Variants in TPD52 observed in about 807,000 individuals in gnomAD.
TPD52 encodes tumor protein D52.
Under a neutral mutation model 31.3 loss-of-function variants are expected in TPD52, and 17 were observed. The observed-to-expected ratio is 0.54, with a 90% CI of 0.37 to 0.82. The LOEUF (loss-of-function observed/expected upper bound fraction) is 0.82. TPD52 is among the 40% of genes least tolerant of loss of function. The pLI, the probability that TPD52 is intolerant of heterozygous loss-of-function variation, is 0.00. For synonymous variants in TPD52, 83 were observed against 89.6 expected (o/e 0.93, Z 0.42); for missense variants, 212 against 240.1 (o/e 0.88, Z 0.77).
chr8:80,171,526 G>GAGCT lies in TPD52; in HGVS notation c.-87_-84dup. Reference sequence around the variant, plus strand: ...CTCGGATCGCCCGCCGCGCCGCGCAGAGCTCCTCCTCGCCTCCGCCGGCGA... The same window carrying GAGCT: ...CTCGGATCGCCCGCCGCGCCGCGCAGAGCTAGCTCCTCCTCGCCTCCGCCGGCGA... On this transcript the variant is annotated 5_prime_UTR_variant, in exon 1 of 8. Transcript: ENST00000518937. 1 of 1,461,044 alleles carries GAGCT rather than the reference G, an allele frequency of 6.8e-7. No individual in the cohort carries two copies. Among genetic ancestry groups the GAGCT allele is most frequent in the South Asian group, 1.4e-5 (1 of 72,236 alleles). 90.5% of individuals were successfully genotyped at this position (1,461,044 alleles called of 1,614,324 possible). A position where few individuals can be genotyped will look rare whatever the true frequency, so the allele number is the denominator to read the frequency against.
chr8:80,138,341 A>G (rs1809585510), intron 1 of TPD52, among the ~76,000 whole-genome samples: 1 of 152,196 alleles, frequency 6.6e-6, no homozygotes, highest in African/African-American at 2.4e-5. Context: ...TCCAACTGAA[A>G]TCTGATTTCA....
intron 1 of TPD52, among the ~76,000 whole-genome samples, chr8:80,140,750 G>A (rs186210085): frequency 2.0e-5 from 3 of 152,258 alleles, no homozygotes; most frequent in East Asian, 1.9e-4. Context: ...AGGGTTAGCT[G>A]CACCGCACTC....
chr8:80,083,529 A>AAAT (rs1406962899), intron 1 of TPD52, among the ~76,000 whole-genome samples: 1 of 150,780 alleles, frequency 6.6e-6, no homozygotes, highest in African/African-American at 2.5e-5. Flanking sequence ...AGATCTTTAT[A>AAAT]AGGAGAACAG....
At chr8:80,136,257 G>A (rs935277770) in intron 1 of TPD52, among the ~76,000 whole-genome samples, 2 of 150,674 alleles carry the variant, frequency 1.3e-5, no homozygotes, top group Admixed American at 6.6e-5. Flanking sequence ...GGGCGCGGTG[G>A]CTCACGCCTG....
In TPD52 at chr8:80,053,299, G is replaced by A. The variant is rs748659423; in HGVS notation, c.267C>T (p.Asp89=). 20 of 1,613,328 alleles carry A rather than the reference G, an allele frequency of 1.2e-5. No homozygotes were observed. Among genetic ancestry groups the A allele is most frequent in the African/African-American group, 2.7e-5 (2 of 74,840 alleles). The change falls in exon 3 of 8, where the codon GAC becomes GAT. Residue 89 remains aspartate (D), a synonymous_variant. Transcript: ENST00000518937. The part of the protein sequence containing the change: ...LKQNIAKGWQ[D]VTATSAYKKT... ...AAACATACGCAGATGTTGCTGTCAC[G>A]TCTTGCCACCCTTTGGCAATGTTCT...
chr8:80,119,374 C>T (rs1808087743), intron 1 of TPD52, among the ~76,000 whole-genome samples: 1 of 151,992 alleles, frequency 6.6e-6, no homozygotes, highest in Non-Finnish European at 1.5e-5. Flanking sequence ...ACACTAAAAA[C>T]CAATGAATTA....
At position 80,171,557 on chromosome 8, in the gene TPD52, G is replaced by C. The variant is rs1031822947; in HGVS notation, c.-114C>G. The C allele has an allele frequency of 9.0e-6, 12 of 1,332,154 alleles. No individual in the cohort carries two copies. The highest frequency in any genetic ancestry group is 1.1e-5 in the Non-Finnish European group (11 of 1,033,920). The allele number at this position is 1,332,154 out of a possible 1,614,324, so 82.5% of individuals were successfully genotyped here. ...CTCCTCGCCTCCGCCGGCGACTCCC[G>C]CGAAGTCCCCACCCCCAGAGGCGTC... On this transcript the variant is annotated 5_prime_UTR_variant, in exon 1 of 8. Transcript: ENST00000518937.
chr8:80,144,188 A>G (rs1037061258), intron 1 of TPD52, among the ~76,000 whole-genome samples: 5 of 152,230 alleles, frequency 3.3e-5, no homozygotes, highest in Admixed American at 3.3e-4. Flanking sequence ...AATATTACAT[A>G]TATCATAATA....
intron 1 of TPD52, among the ~76,000 whole-genome samples, chr8:80,065,178 GGT>G (rs1339834795): frequency 6.6e-6 from 1 of 151,344 alleles, no homozygotes; most frequent in African/African-American, 2.4e-5. Context: ...GTAGAGACAG[GGT>G]GTCGCTATGT....
rs939356887 is a variant in TPD52, at chr8:80,035,992, C to G, written c.*2124G>C. The G allele has an allele frequency of 7.9e-5, 12 of 152,288 alleles. No individual in the cohort carries two copies. In the South Asian group the frequency reaches 2.5e-3, roughly 32 times the overall value. The allele number at this position is 152,288 out of a possible 1,614,324, so 9.4% of individuals were successfully genotyped here. ...GTTTTTTTCTAAATCCATCCTCACT[C>G]TTTTTAATACTTCTTTCAAGGGGCA... On this transcript the variant is annotated 3_prime_UTR_variant, in exon 8 of 8. Coordinates refer to ENST00000518937, the MANE Select transcript of TPD52 (RefSeq NM_001025253.3).
At chr8:80,160,889 C>CAAAAAAAAAAAAAAAAAAAAAAAAAAAAA (rs58923055) in intron 1 of TPD52, among the ~76,000 whole-genome samples, 1 of 95,096 alleles carries the variant, frequency 1.1e-5, no homozygotes, top group African/African-American at 4.3e-5. Flanking sequence ...ACTAAAAATA[C>CAAAAAAAAAAAAAAAAAAAAAAAAAAAAA]AAAAAAAAAA....
At chr8:80,063,942 A>C in intron 2 of TPD52, among the ~76,000 whole-genome samples, 1 of 132,028 alleles carries the variant, frequency 7.6e-6, no homozygotes, top group Non-Finnish European at 1.6e-5. Flanking sequence ...GGGGGGCGGA[A>C]AGAGAAAAAA....
intron 1 of TPD52, among the ~76,000 whole-genome samples, chr8:80,140,465 T>C (rs1242878065): frequency 1.3e-5 from 2 of 152,170 alleles, no homozygotes; most frequent in Non-Finnish European, 2.9e-5. Context: ...TTTTCAGACA[T>C]AAAGTAGTAT....
chr8:80,058,061 C>T (rs1812094187), intron 2 of TPD52, among the ~76,000 whole-genome samples: 1 of 152,024 alleles, frequency 6.6e-6, no homozygotes, highest in Non-Finnish European at 1.5e-5. Flanking sequence ...AGTCTATAGA[C>T]ATTAGGTGCT....
At chr8:80,151,885 G>T (rs1015673449) in intron 1 of TPD52, among the ~76,000 whole-genome samples, 1 of 152,068 alleles carries the variant, frequency 6.6e-6, no homozygotes, top group African/African-American at 2.4e-5. Flanking sequence ...TATATTACAA[G>T]GTCATTTAGT....
intron 1 of TPD52, among the ~76,000 whole-genome samples, chr8:80,067,746 T>G (rs1435358221): frequency 6.6e-6 from 1 of 151,758 alleles, no homozygotes; most frequent in African/African-American, 2.4e-5. Context: ...ACCTGAAAGG[T>G]ATCTAGAAGC....
chr8:80,089,935 G>A (rs1305571265), intron 1 of TPD52, among the ~76,000 whole-genome samples: 2 of 152,166 alleles, frequency 1.3e-5, no homozygotes, highest in Admixed American at 6.5e-5. Flanking sequence ...GAGAGAAACT[G>A]GATAAGATCA....
chr8:80,136,488 C>T (rs1454748157), intron 1 of TPD52, among the ~76,000 whole-genome samples: 1 of 136,968 alleles, frequency 7.3e-6, no homozygotes, highest in African/African-American at 2.7e-5. Context: ...CACGCCACTG[C>T]ACTCCAGCCT....
chr8:80,126,036 C>T (rs1028708226), intron 1 of TPD52, among the ~76,000 whole-genome samples: 11 of 152,220 alleles, frequency 7.2e-5, no homozygotes, highest in African/African-American at 2.2e-4. Flanking sequence ...TATGGTGACA[C>T]AATCACAGAT....
Sources: gnomAD v4.1 joint callset for allele counts (sites outside exome capture counted in the v4.1 genomes callset) on GRCh38, gnomAD v4.1.1 for gene constraint, MANE v1.5 for transcripts, NCBI Gene and HGNC (gene_info 2026-07-23, HGNC 2026-07-21) for gene names.